Variants in FAM185A observed in about 807,000 individuals in gnomAD.
FAM185A encodes the protein family with sequence similarity 185 member A, also known as protein FAM185A.
FAM185A carries 21 observed loss-of-function variants against 45.7 expected under a neutral mutation model. The ratio of observed to expected loss-of-function variants is 0.46; its 90% CI spans 0.33 to 0.66. The LOEUF (loss-of-function observed/expected upper bound fraction) is 0.66. FAM185A is among the 30% of genes least tolerant of loss of function. The pLI, the probability that FAM185A is intolerant of heterozygous loss-of-function variation, is 0.03. For missense variants in FAM185A, 305 were observed against 485.4 expected (o/e 0.63, Z 3.49); for synonymous variants, 117 against 194.0 (o/e 0.60, Z 3.30).
intron 2 of FAM185A, among the ~76,000 whole-genome samples, chr7:102,757,400 T>C (rs959667883): frequency 1.4e-4 from 21 of 152,226 alleles, no homozygotes; most frequent in Non-Finnish European, 2.2e-4. Flanking sequence ...GTAATACTTA[T>C]CTCTCTGGTT....
rs1554364935 is a variant in FAM185A, at chr7:102,758,459, T to TTA, written c.654+513_654+514insTA. ...TTTTTTTTTTTTTTTTTTTTTTTTT[T>TTA]ATAGTAGCTATTGGGATTTTTGTTG... is the stretch of plus-strand genomic sequence containing the variant. On this transcript the variant is annotated intron_variant, in intron 3 of 7. Coordinates refer to ENST00000413034, the MANE Select transcript of FAM185A (RefSeq NM_001145268.2). Among the ~76,000 whole-genome samples the TTA allele has an allele frequency of 1.1e-3, 122 of 107,462 alleles. 15 individuals are homozygous for TTA. Among genetic ancestry groups the TTA allele is most frequent in the African/African-American group, 3.6e-3 (98 of 27,504 alleles). The allele number at this position is 107,462 out of a possible 152,430, so 70.5% of individuals were successfully genotyped here.
At chr7:102,819,677 C>A in the FAM185A span, among the ~76,000 whole-genome samples, 205 of 152,262 alleles carry the variant, frequency 1.3e-3, 1 homozygote, top group Non-Finnish European at 2.4e-3. Context: ...AGACATTGAG[C>A]TTCTTCCCAA....
chr7:102,793,210 TG>T (rs1162152973), intron 7 of FAM185A, among the ~76,000 whole-genome samples: 50 of 148,668 alleles, frequency 3.4e-4, no homozygotes, highest in East Asian at 1.0e-3. Flanking sequence ...GTTTTTTTTT[TG>T]TTGTTGTTGT....
the FAM185A span, among the ~76,000 whole-genome samples, chr7:102,849,567 A>C: frequency 6.6e-6 from 1 of 152,244 alleles, no homozygotes. Context: ...ACGAGAGAGC[A>C]TTCTTTATAA....
chr7:102,778,467 A>G (rs1208219760), intron 6 of FAM185A, among the ~76,000 whole-genome samples: 1 of 152,290 alleles, frequency 6.6e-6, no homozygotes, highest in African/African-American at 2.4e-5. Flanking sequence ...TAACAGAGTA[A>G]GAACAAAGTT....
chr7:102,788,186 C>T (rs1178198359), intron 7 of FAM185A, among the ~76,000 whole-genome samples: 7 of 152,128 alleles, frequency 4.6e-5, no homozygotes, highest in Non-Finnish European at 1.0e-4. Context: ...CCAGGCTGCT[C>T]TCAAATTCCT....
At chr7:102,810,381 C>T (rs535038903), downstream of FAM185A, among the ~76,000 whole-genome samples, 9 of 152,018 alleles carry the variant, frequency 5.9e-5, no homozygotes, top group East Asian at 5.8e-4. Flanking sequence ...TACAGGTGCA[C>T]GCCACCATGC....
chr7:102,808,299 A>C lies in FAM185A; in HGVS notation c.1076A>C (p.Asn359Thr), dbSNP rs769425529. The C allele has an allele frequency of 1.3e-6, 2 of 1,551,464 alleles. No individual in the cohort carries two copies. Among genetic ancestry groups the C allele is most frequent in the South Asian group, 2.4e-5 (2 of 84,048 alleles). Residue 359 changes from asparagine (N) to threonine (T), a missense_variant, in exon 8 of 8, where the codon AAT (asparagine) becomes ACT (threonine). This residue lies in a region of FAM185A where 66 missense variants were observed against 74.6 expected (regional missense o/e 0.89). Coordinates refer to ENST00000413034, the MANE Select transcript of FAM185A (RefSeq NM_001145268.2). ...CAATTTTGTGTTTTAGGACTCATGA[A>C]TCAAGCAAGCAAACGTGAAAAATGG... is the stretch of plus-strand genomic sequence containing the variant. ...DDVVTVTGLM[N>T]QASKREKWIK...
intron 7 of FAM185A, among the ~76,000 whole-genome samples, chr7:102,805,243 C>A (rs1315185382): frequency 2.6e-5 from 4 of 152,160 alleles, no homozygotes; most frequent in Non-Finnish European, 5.9e-5. Flanking sequence ...ATGCTTATAG[C>A]AGCACAATTT....
At chr7:102,783,495 C>G (rs574576139) in intron 6 of FAM185A, among the ~76,000 whole-genome samples, 158 of 152,302 alleles carry the variant, frequency 1.0e-3, no homozygotes, top group Non-Finnish European at 1.7e-3. Flanking sequence ...GATTAAGAAA[C>G]TCACTCAAAA....
intron 7 of FAM185A, among the ~76,000 whole-genome samples, chr7:102,788,626 G>A (rs76753092): frequency 0.052 from 7,223 of 138,300 alleles, no homozygotes; most frequent in Non-Finnish European, 0.079. Context: ...GTTAAGTGGC[G>A]AAAATTTGAT....
At chr7:102,785,189 CA>C (rs1431223651) in intron 6 of FAM185A, among the ~76,000 whole-genome samples, 1 of 151,720 alleles carries the variant, frequency 6.6e-6, no homozygotes, top group Non-Finnish European at 1.5e-5. Flanking sequence ...AGGATACAAA[CA>C]AATGGAAGAA....
intron 7 of FAM185A, 69 bp from the exon 8 acceptor site, chr7:102,808,221 G>A: frequency 1.0e-6 from 1 of 998,116 alleles, no homozygotes; most frequent in Non-Finnish European, 1.5e-6. Context: ...CAGTTTCAGA[G>A]ATGTGTTGCT....
chr7:102,788,543 A>C (rs1795957664), intron 7 of FAM185A, among the ~76,000 whole-genome samples: 1 of 152,218 alleles, frequency 6.6e-6, no homozygotes, highest in South Asian at 2.1e-4. Flanking sequence ...TTACCAAAAA[A>C]CATAACAGGA....
chr7:102,774,816 G>T (rs1794957577), intron 5 of FAM185A, among the ~76,000 whole-genome samples: 1 of 151,898 alleles, frequency 6.6e-6, no homozygotes, highest in African/African-American at 2.4e-5. Context: ...ACCCATACTG[G>T]TCTCAAATGC....
intron 6 of FAM185A, among the ~76,000 whole-genome samples, chr7:102,780,134 A>G (rs1380566793): frequency 1.3e-5 from 2 of 152,174 alleles, no homozygotes; most frequent in African/African-American, 2.4e-5. Context: ...GAAGACCAAG[A>G]AATTACTTAA....
chr7:102,749,069 C>G lies in FAM185A; in HGVS notation c.-139C>G, dbSNP rs550343794. On this transcript the variant is annotated 5_prime_UTR_variant, in exon 1 of 8. Coordinates refer to ENST00000413034, the MANE Select transcript of FAM185A (RefSeq NM_001145268.2). ...GTTTAGAACGCCTAGTCAAGCCAAC[C>G]GGCTCGCTCTTGTTTCAGCAAACCC... is the stretch of plus-strand genomic sequence containing the variant. The G allele has an allele frequency of 1.5e-6, 2 of 1,324,834 alleles. No individual in the cohort carries two copies. Among genetic ancestry groups the G allele is most frequent in the Admixed American group, 2.0e-5 (1 of 50,746 alleles). The allele number at this position is 1,324,834 out of a possible 1,614,324, so 82.1% of individuals were successfully genotyped here. A position where few individuals can be genotyped will look rare whatever the true frequency, so the allele number is the denominator to read the frequency against.
At chr7:102,810,525 C>T (rs574978287), downstream of FAM185A, among the ~76,000 whole-genome samples, 254 of 152,224 alleles carry the variant, frequency 1.7e-3, 1 homozygote, top group African/African-American at 5.6e-3. Context: ...AGCCACTGCA[C>T]CGGGCCAGGA....
downstream of FAM185A, chr7:102,813,193 G>GT (rs1247223813): frequency 1.2e-5 from 9 of 743,606 alleles, no homozygotes; most frequent in Middle Eastern, 4.0e-4. Flanking sequence ...TGATGTGTTT[G>GT]GAAATATTTG....
Sources: gnomAD v4.1 joint callset for allele counts (sites outside exome capture counted in the v4.1 genomes callset) on GRCh38, gnomAD v4.1.1 for gene constraint, gnomAD v4.1.1 regional missense constraint, MANE v1.5 for transcripts, NCBI Gene and HGNC (gene_info 2026-07-23, HGNC 2026-07-21) for gene names.